Variants in SHTN1 observed in about 807,000 individuals in gnomAD.
SHTN1 encodes the protein shootin-1.
In SHTN1, 42 loss-of-function variants were observed where a neutral mutation model predicts 83.1. That is an observed-to-expected ratio of 0.51 (90% CI 0.39 to 0.65). The LOEUF (loss-of-function observed/expected upper bound fraction) is 0.65. Among genes scored for constraint, SHTN1 ranks in the 30% least tolerant of loss-of-function variants. The pLI is 0.00. For synonymous variants in SHTN1, 224 were observed against 247.7 expected (o/e 0.90, Z 0.90); for missense variants, 622 against 737.8 (o/e 0.84, Z 1.82).
At position 117,070,654 on chromosome 10, in the gene SHTN1, C is replaced by T. The variant is rs1445334660; in HGVS notation, c.-188-22144G>A. On this transcript the variant is annotated intron_variant, in intron 1 of 17. Transcript: ENST00000392901. ...CAGAGAAGAAGCACGCAGGGCTACT[C>T]AGGTTCTTGAGATCACGCCTGACTT... is the stretch of plus-strand genomic sequence containing the variant. Among the ~76,000 whole-genome samples, 3 of 151,454 alleles carry T rather than the reference C, an allele frequency of 2.0e-5. No homozygotes were observed. In the East Asian group the frequency reaches 5.8e-4, roughly 29 times the overall value.
At position 117,085,951 on chromosome 10, in the gene SHTN1, C is replaced by T. The variant is rs138414005; in HGVS notation, c.-188-37441G>A. Among the ~76,000 whole-genome samples the T allele has an allele frequency of 5.9e-3, 712 of 120,690 alleles. 32 individuals are homozygous for T. The East Asian group carries it at 0.13, about 22-fold the overall frequency. The allele number at this position is 120,690 out of a possible 152,430, so 79.2% of individuals were successfully genotyped here. A position where few individuals can be genotyped will look rare whatever the true frequency, so the allele number is the denominator to read the frequency against. On this transcript the variant is annotated intron_variant, in intron 1 of 17. Coordinates refer to the SHTN1 transcript ENST00000392901. ...TTTTTTTTTTTTTGAGACGGAGTCT[C>T]GCTCTGTAGACCAGGCTGGAGTGCA...
intron 1 of SHTN1, among the ~76,000 whole-genome samples, chr10:117,105,323 T>C (rs1022450181): frequency 1.3e-5 from 2 of 152,244 alleles, no homozygotes; most frequent in African/African-American, 4.8e-5. Flanking sequence ...GCAAATGCTA[T>C]ATAATAATTA....
intron 1 of SHTN1, among the ~76,000 whole-genome samples, chr10:117,076,640 G>A (rs997392954): frequency 7.2e-5 from 11 of 152,308 alleles, no homozygotes; most frequent in Admixed American, 5.9e-4. Context: ...AAGTCACCAA[G>A]AGATTTCATC....
chr10:117,117,842 C>G (rs543811570), intron 1 of SHTN1, among the ~76,000 whole-genome samples: 2 of 152,052 alleles, frequency 1.3e-5, no homozygotes, highest in Non-Finnish European at 2.9e-5. Context: ...TAACCATATG[C>G]GGCCAAATGA....
chr10:116,891,659 C>CTA (rs1193362330), intron 16 of SHTN1, among the ~76,000 whole-genome samples: 1 of 152,098 alleles, frequency 6.6e-6, no homozygotes, highest in Non-Finnish European at 1.5e-5. Context: ...ACAGTAGTGG[C>CTA]ATTACAGCAG....
chr10:116,976,902 T>G (rs752078016), intron 2 of SHTN1, among the ~76,000 whole-genome samples: 3 of 152,222 alleles, frequency 2.0e-5, no homozygotes, highest in Non-Finnish European at 2.9e-5. Flanking sequence ...TAATAGTTAT[T>G]TTTAAAGAAT....
intron 1 of SHTN1, among the ~76,000 whole-genome samples, chr10:117,070,953 A>T (rs758323808): frequency 2.0e-5 from 3 of 151,992 alleles, no homozygotes; most frequent in Non-Finnish European, 4.4e-5. Flanking sequence ...TGTTGGTTTT[A>T]TAAGGATCCA....
chr10:116,955,206 C>G (rs1172780426), intron 4 of SHTN1, among the ~76,000 whole-genome samples: 1 of 151,744 alleles, frequency 6.6e-6, no homozygotes, highest in African/African-American at 2.4e-5. Flanking sequence ...CTATTATCAC[C>G]TTCTTTAGCT....
chr10:116,930,926 T>G (rs1382783615), intron 9 of SHTN1, among the ~76,000 whole-genome samples: 2 of 152,220 alleles, frequency 1.3e-5, no homozygotes, highest in Non-Finnish European at 2.9e-5. Flanking sequence ...CTATTCTGAC[T>G]GACATGAGAT....
intron 13 of SHTN1, 102 bp from the exon 14 acceptor site, chr10:116,911,945 T>C: frequency 2.5e-6 from 2 of 802,594 alleles, no homozygotes; most frequent in Admixed American, 4.0e-5. Flanking sequence ...ATATTGGTAA[T>C]ATGTATGACT....
At chr10:116,959,346 C>T (rs953347404) in intron 4 of SHTN1, among the ~76,000 whole-genome samples, 2 of 152,110 alleles carry the variant, frequency 1.3e-5, no homozygotes, top group Admixed American at 6.5e-5. Flanking sequence ...CTAGGAAGCA[C>T]ACTGTTAATG....
intron 10 of SHTN1, among the ~76,000 whole-genome samples, chr10:116,928,119 T>C (rs553348484): frequency 1.3e-4 from 20 of 152,198 alleles, no homozygotes; most frequent in Non-Finnish European, 2.2e-4. Flanking sequence ...ATCTTTTTGC[T>C]GTATATACAA....
At chr10:116,893,575 T>TTCACACACACACACACACACACAC in intron 16 of SHTN1, among the ~76,000 whole-genome samples, 1 of 740 alleles carries the variant, frequency 1.4e-3, no homozygotes, top group Non-Finnish European at 3.2e-3. Flanking sequence ...GGCACTCATG[T>TTCACACACACACACACACACACAC]GCACACACAC....
chr10:116,914,157 CTGT>C (rs1286124698), intron 13 of SHTN1, among the ~76,000 whole-genome samples: 1 of 152,162 alleles, frequency 6.6e-6, no homozygotes, highest in African/African-American at 2.4e-5. Context: ...TCTTGCCTGG[CTGT>C]GACAAAGTGG....
chr10:117,063,933 G>A (rs1437529304), intron 1 of SHTN1, among the ~76,000 whole-genome samples: 2 of 151,934 alleles, frequency 1.3e-5, no homozygotes, highest in Non-Finnish European at 2.9e-5. Context: ...TAAGATAAAA[G>A]CTATAATATA....
intron 14 of SHTN1, chr10:116,911,459 T>G (rs1848189930): frequency 6.5e-7 from 1 of 1,547,780 alleles, no homozygotes; most frequent in Non-Finnish European, 8.7e-7. Context: ...ATTATATTTC[T>G]GTTTTTCATC....
intron 1 of SHTN1, among the ~76,000 whole-genome samples, chr10:117,123,477 C>T (rs1853959904): frequency 6.6e-6 from 1 of 152,154 alleles, no homozygotes. Context: ...GTAATTAACA[C>T]CCCTTAACTT....
chr10:117,060,776 A>C (rs1353098154), intron 1 of SHTN1, among the ~76,000 whole-genome samples: 8 of 152,320 alleles, frequency 5.3e-5, no homozygotes, highest in South Asian at 2.1e-4. Flanking sequence ...TCATAGCCTA[A>C]TAGTTCATTC....
chr10:116,991,496 G>C (rs1463863841), intron 1 of SHTN1, among the ~76,000 whole-genome samples: 1 of 152,166 alleles, frequency 6.6e-6, no homozygotes, highest in Non-Finnish European at 1.5e-5. Flanking sequence ...TACGGTGAGA[G>C]AGGAAAGCAG....
Sources: gnomAD v4.1 joint callset for allele counts (sites outside exome capture counted in the v4.1 genomes callset) on GRCh38, gnomAD v4.1.1 for gene constraint, MANE v1.5 for transcripts, NCBI Gene and HGNC (gene_info 2026-07-23, HGNC 2026-07-21) for gene names.